ZEB2: variants seen among roughly 807,000 people sequenced by gnomAD.
ZEB2 encodes the protein zinc finger E-box-binding homeobox 2.
In ZEB2, 6 loss-of-function variants were observed where a neutral mutation model predicts 99.9. The observed-to-expected ratio is 0.06, with a 90% CI of 0.03 to 0.12. The LOEUF (loss-of-function observed/expected upper bound fraction) is 0.12, where lower values mean the gene tolerates loss of function less well. Among genes scored for constraint, ZEB2 ranks in the 10% least tolerant of loss-of-function variants. The pLI is 1.00. For missense variants in ZEB2, 969 were observed against 1,502.8 expected (o/e 0.64, Z 5.87); for synonymous variants, 517 against 542.5 (o/e 0.95, Z 0.65).
chr2:144,492,340 G>A (rs532340654), intron 2 of ZEB2, among the ~76,000 whole-genome samples: 3 of 152,092 alleles, frequency 2.0e-5, no homozygotes, highest in Non-Finnish European at 4.4e-5. Context: ...ACTTGTTGAC[G>A]GGCAGAAGGA....
At chr2:144,500,561 A>G (rs1171207854) in intron 2 of ZEB2, among the ~76,000 whole-genome samples, 1 of 152,236 alleles carries the variant, frequency 6.6e-6, no homozygotes, top group Non-Finnish European at 1.5e-5. Flanking sequence ...CAGGCTTTGC[A>G]GCACCATTTT....
intron 9 of ZEB2, among the ~76,000 whole-genome samples, chr2:144,392,237 A>C (rs1478333135): frequency 6.6e-6 from 1 of 152,240 alleles, no homozygotes; most frequent in African/African-American, 2.4e-5. Context: ...GCTCAGGAGC[A>C]CAAAAAGGTC....
At chr2:144,390,801 T>C (rs373516102) in intron 9 of ZEB2, among the ~76,000 whole-genome samples, 2 of 152,222 alleles carry the variant, frequency 1.3e-5, no homozygotes, top group East Asian at 3.8e-4. Flanking sequence ...CTAACCAGTG[T>C]TTGGAACTTA....
chr2:144,516,166 T>C (rs898983814), intron 2 of ZEB2: 1 of 152,130 alleles, frequency 6.6e-6, no homozygotes, highest in Admixed American at 6.5e-5. Flanking sequence ...CGCTTGTTTG[T>C]TTTCGGGGGT....
chr2:144,510,236 GA>G (rs1333956797), intron 2 of ZEB2, among the ~76,000 whole-genome samples: 2 of 151,902 alleles, frequency 1.3e-5, no homozygotes, highest in Non-Finnish European at 2.9e-5. Context: ...AAGTCAGGGG[GA>G]AAAATGGGAA....
chr2:144,509,909 G>A (rs780281149), intron 2 of ZEB2, among the ~76,000 whole-genome samples: 3 of 152,092 alleles, frequency 2.0e-5, no homozygotes, highest in Non-Finnish European at 4.4e-5. Context: ...CCAGGAAGGA[G>A]GCCTTTAGGC....
At chr2:144,504,129 A>G (rs1365642363) in intron 2 of ZEB2, 1 of 150,344 alleles carries the variant, frequency 6.7e-6, no homozygotes, top group East Asian at 2.0e-4. Context: ...ATTTCCTCCT[A>G]TAACACTGAT....
chr2:144,389,662 T>C lies in ZEB2; in HGVS notation c.3434A>G (p.Glu1145Gly). ...ESEKEHEKEG[E>G]DGYGKLGRQD... ...TCTGCCCAGCTTCCCGTAGCCATCC[T>C]CGCCTTCTTTCTCGTGCTCCTTCTC... Residue 1145 changes from glutamate (E) to glycine (G), a missense_variant, in exon 10 of 10, where the codon GAG becomes GGG. Coordinates refer to ENST00000627532, the MANE Select transcript of ZEB2 (RefSeq NM_014795.4). The surrounding 1 kb of genome is among the most constrained non-coding windows in gnomAD (Gnocchi z 6.8). The C allele has an allele frequency of 1.9e-6, 3 of 1,614,158 alleles. No homozygotes were observed. The highest frequency in any genetic ancestry group is 2.5e-6 in the Non-Finnish European group (3 of 1,180,032).
chr2:144,396,283 G>A, intron 9 of ZEB2, 129 bp downstream of exon 9: 1 of 1,239,782 alleles, frequency 8.1e-7, no homozygotes, highest in Non-Finnish European at 1.2e-6. Context: ...CTCGGCAAAA[G>A]CATTATTTCT....
chr2:144,384,415 C>T lies in ZEB2; in HGVS notation c.*5036G>A, dbSNP rs1017007662. On this transcript the variant is annotated 3_prime_UTR_variant, in exon 10 of 10. Coordinates refer to ENST00000627532, the MANE Select transcript of ZEB2 (RefSeq NM_014795.4). ...TTGTTTAATTCCGAGATTAATATAT[C>T]ATCTTCAACCCTGAAACAGAGGCCC... 6.6e-6 allele frequency: 1 copy of T among 151,980 alleles called. No individual in the cohort carries two copies. The highest frequency in any genetic ancestry group is 1.5e-5 in the Non-Finnish European group (1 of 67,976). 9.4% of individuals were successfully genotyped at this position (151,980 alleles called of 1,614,324 possible).
chr2:144,408,330 C>T (rs893397238), intron 4 of ZEB2, among the ~76,000 whole-genome samples: 1 of 152,168 alleles, frequency 6.6e-6, no homozygotes, highest in African/African-American at 2.4e-5. Context: ...AAGATACCTG[C>T]AGCTGAGCTA....
intron 2 of ZEB2, among the ~76,000 whole-genome samples, chr2:144,497,299 A>AC (rs2149922568): frequency 6.6e-6 from 1 of 151,624 alleles, no homozygotes; most frequent in Non-Finnish European, 1.5e-5. Flanking sequence ...TCTTAAATGC[A>AC]CCCCCATTTC....
At chr2:144,489,520 G>A (rs1245465374) in intron 2 of ZEB2, among the ~76,000 whole-genome samples, 1 of 152,192 alleles carries the variant, frequency 6.6e-6, no homozygotes, top group Non-Finnish European at 1.5e-5. Flanking sequence ...CATATCAGCA[G>A]AATCTCCTCT....
intron 2 of ZEB2, among the ~76,000 whole-genome samples, chr2:144,498,012 T>TATTAA (rs70985860): frequency 1.6e-4 from 5 of 30,598 alleles, no homozygotes; most frequent in African/African-American, 2.2e-4. Flanking sequence ...ATATAATATA[T>TATTAA]TAATATTATA....
At position 144,441,272 on chromosome 2, in the gene ZEB2, G is replaced by A. The variant is rs893048953; in HGVS notation, c.74-11246C>T. The stretch of plus-strand genomic sequence containing the variant: ...CATGCCTCAATTCCCCTTCCCTGCC[G>A]CCTTCTGTCATTTTCAGGTAGTGGA... On this transcript the variant is annotated intron_variant, in intron 2 of 9. Coordinates refer to ENST00000627532, the MANE Select transcript of ZEB2 (RefSeq NM_014795.4). Among the ~76,000 whole-genome samples, 15 of 147,126 alleles carry A rather than the reference G, an allele frequency of 1.0e-4. No homozygotes were observed. The East Asian group carries it at 1.8e-3, about 18-fold the overall frequency.
intron 2 of ZEB2, among the ~76,000 whole-genome samples, chr2:144,460,315 A>T (rs1054739955): frequency 2.0e-5 from 3 of 152,202 alleles, no homozygotes; most frequent in African/African-American, 7.2e-5. Context: ...AGTGAGGCCT[A>T]GAAAGAGACT....
chr2:144,459,938 A>G (rs949714195), intron 2 of ZEB2, among the ~76,000 whole-genome samples: 19 of 152,200 alleles, frequency 1.2e-4, no homozygotes, highest in Admixed American at 1.0e-3. Flanking sequence ...CCTGTGCATC[A>G]TAGGCATGCA....
chr2:144,467,620 T>A (rs1704290956), intron 2 of ZEB2, among the ~76,000 whole-genome samples: 1 of 152,170 alleles, frequency 6.6e-6, no homozygotes, highest in African/African-American at 2.4e-5. Flanking sequence ...TGACACACTC[T>A]CCTTCATTCA....
At position 144,512,336 on chromosome 2, in the gene ZEB2, A is replaced by G. The variant is rs963928236; in HGVS notation, c.73+4942T>C. ...GATGACAAAAACTGTTGCAAGGAAA[A>G]GAATCTCCCACATCTTAGAATAAAC... On this transcript the variant is annotated intron_variant, in intron 2 of 9. Transcript: ENST00000627532. 19 of 1,287,262 alleles carry G rather than the reference A, an allele frequency of 1.5e-5. No homozygotes were observed. In the African/African-American group the frequency reaches 2.1e-4, roughly 14 times the overall value. The allele number at this position is 1,287,262 out of a possible 1,614,324, so 79.7% of individuals were successfully genotyped here.
Sources: gnomAD v4.1 joint callset for allele counts (sites outside exome capture counted in the v4.1 genomes callset) on GRCh38, gnomAD v4.1.1 for gene constraint, Gnocchi (gnomAD v3.1) non-coding constraint, MANE v1.5 for transcripts, NCBI Gene and HGNC (gene_info 2026-07-23, HGNC 2026-07-21) for gene names.